Variants in DSC3 observed in about 807,000 individuals in gnomAD.
DSC3 encodes desmocollin-3.
Under a neutral mutation model 89.5 loss-of-function variants are expected in DSC3, and 97 were observed. That is an observed-to-expected ratio of 1.08 (90% CI 0.92 to 1.28). DSC3 has a LOEUF of 1.28. Among genes scored for constraint, DSC3 ranks in the 50% most tolerant of loss-of-function variants. The pLI, the probability that DSC3 is intolerant of heterozygous loss-of-function variation, is 0.00. For synonymous variants in DSC3, 436 were observed against 384.1 expected (o/e 1.14, Z -1.58); for missense variants, 1,199 against 1,085.3 (o/e 1.10, Z -1.47).
At chr18:31,007,519 C>T (rs568553185) in intron 11 of DSC3, among the ~76,000 whole-genome samples, 147 of 152,114 alleles carry the variant, frequency 9.7e-4, no homozygotes, top group African/African-American at 3.5e-3. Flanking sequence ...TATAAGATTC[C>T]TAGGCTCCAC....
intron 9 of DSC3, among the ~76,000 whole-genome samples, chr18:31,013,610 A>C (rs1985141286): frequency 6.6e-6 from 1 of 152,176 alleles, no homozygotes; most frequent in South Asian, 2.1e-4. Context: ...AAAACATAGA[A>C]AGCTGGCTAA....
At chr18:31,015,182 A>T (rs1985194192) in intron 9 of DSC3, among the ~76,000 whole-genome samples, 1 of 152,166 alleles carries the variant, frequency 6.6e-6, no homozygotes, top group Admixed American at 6.5e-5. Context: ...AAATGTATAT[A>T]AATGTATTGG....
intron 13 of DSC3, among the ~76,000 whole-genome samples, chr18:31,003,884 A>C (rs1382265688): frequency 6.6e-6 from 1 of 152,200 alleles, no homozygotes; most frequent in Non-Finnish European, 1.5e-5. Flanking sequence ...CAAGAAATAA[A>C]GACTATTTGT....
rs1163161184 is a variant in DSC3, at chr18:31,036,948, AC to A, written c.70-4673del. Among the ~76,000 whole-genome samples the A allele has an allele frequency of 2.0e-5, 3 of 150,694 alleles. No individual in the cohort carries two copies. The East Asian group carries it at 5.9e-4, about 29-fold the overall frequency. On this transcript the variant is annotated intron_variant, in intron 1 of 15. Coordinates refer to ENST00000360428, the MANE Select transcript of DSC3 (RefSeq NM_001941.5). ...GCTGGGATTACAGGCGCCTGCCACC[AC>A]CCCCAGCTAATTTTTGTATTTTTAG...
chr18:31,018,255 T>C lies in DSC3; in HGVS notation c.1079A>G (p.Tyr360Cys), dbSNP rs763159462. The change falls in exon 9 of 16, where the codon TAT (tyrosine) becomes TGT (cysteine). Residue 360 changes from tyrosine to cysteine, a missense_variant and splice_region_variant. Tyr to Cys is a radical substitution (Grantham distance 194). Coordinates refer to ENST00000360428, the MANE Select transcript of DSC3 (RefSeq NM_001941.5). ...TGCATTTTCCTCTACAAATGCTTCA[T>C]ACTGAAACAGAAAGAAGTCATTGAA... ...DNAPTFRQNA[Y>C]EAFVEENAFN... 8.7e-6 allele frequency: 14 copies of C among 1,606,634 alleles called. No homozygotes were observed. The highest frequency in any genetic ancestry group is 1.3e-5 in the African/African-American group (1 of 74,814).
intron 9 of DSC3, among the ~76,000 whole-genome samples, chr18:31,017,386 G>C (rs1248386655): frequency 1.3e-5 from 2 of 152,030 alleles, no homozygotes; most frequent in African/African-American, 4.8e-5. Context: ...GTTTTGTTCT[G>C]GGCTAGAAGT....
chr18:30,994,363 G>A lies in DSC3; in HGVS notation c.2503C>T (p.Arg835Ter), dbSNP rs748211577. 64 of 1,613,428 alleles carry A rather than the reference G, an allele frequency of 4.0e-5. No homozygotes were observed. Among genetic ancestry groups the A allele is most frequent in the African/African-American group, 1.3e-4 (10 of 74,872 alleles). ...ATGCGGTCTTCATTCTGATTACATC[G>A]ATGCAATTTCTGTAAAATTTTTTAA... The part of the protein sequence containing the change: ...TQPRLGEKLH[R>*]CNQNEDRMPS... Residue 835 changes from arginine (R) to a stop codon, truncating the protein, a stop_gained, in exon 16 of 16, where the codon CGA (arginine) becomes TGA (stop). Coordinates refer to ENST00000360428, the MANE Select transcript of DSC3 (RefSeq NM_001941.5). LOFTEE classifies it high-confidence loss of function.
At chr18:31,025,701 A>T in intron 5 of DSC3, 59 bp downstream of exon 5, 1 of 1,530,030 alleles carries the variant, frequency 6.5e-7, no homozygotes, top group Non-Finnish European at 9.1e-7. Flanking sequence ...AGCTGGAGTA[A>T]GCATCAGAAG....
intron 4 of DSC3, among the ~76,000 whole-genome samples, chr18:31,028,195 G>A (rs749290361): frequency 1.3e-5 from 2 of 152,126 alleles, no homozygotes; most frequent in East Asian, 1.9e-4. Context: ...GGAGCTCTCC[G>A]AAGTTTAGAG....
intron 12 of DSC3, among the ~76,000 whole-genome samples, 187 bp downstream of exon 12, chr18:31,006,720 T>G (rs1984855861): frequency 2.6e-5 from 4 of 152,248 alleles, no homozygotes; most frequent in Admixed American, 2.6e-4. Flanking sequence ...TCATAAAAAT[T>G]ACATCTTCCT....
In DSC3 at chr18:30,991,115, T is replaced by A. The variant is rs1391080341; in HGVS notation, c.*3060A>T. 1.3e-5 allele frequency: 2 copies of A among 152,656 alleles called. No homozygotes were observed. The highest frequency in any genetic ancestry group is 2.9e-5 in the Non-Finnish European group (2 of 68,048). 9.5% of individuals were successfully genotyped at this position (152,656 alleles called of 1,614,324 possible). ...CTCCCCACATCTGTAAATATTACTTTACGCATCCAATTTTTGCTTATTTTA... is the reference window on the plus strand; with the variant it reads ...CTCCCCACATCTGTAAATATTACTTAACGCATCCAATTTTTGCTTATTTTA... On this transcript the variant is annotated 3_prime_UTR_variant, in exon 16 of 16. Coordinates refer to ENST00000360428, the MANE Select transcript of DSC3 (RefSeq NM_001941.5).
At chr18:31,007,533 C>T (rs533712672) in intron 11 of DSC3, among the ~76,000 whole-genome samples, 2 of 152,200 alleles carry the variant, frequency 1.3e-5, no homozygotes, top group South Asian at 2.1e-4. Flanking sequence ...GCTCCACAAC[C>T]GGATATTCTG....
At position 31,001,089 on chromosome 18, in the gene DSC3, G is replaced by GTGTGTATATATATATATATATATATA. The variant is rs141615987; in HGVS notation, c.2235+528_2235+529insTATATATATATATATATATATACACA. ...GTGTTTATATATACTTTGTGTGTGTGTATATATATATATATATATATATAC... is the reference window on the plus strand; with the variant it reads ...GTGTTTATATATACTTTGTGTGTGTGTGTGTATATATATATATATATATATATATATATATATATATATATATATAC... On this transcript the variant is annotated intron_variant, in intron 14 of 15. Coordinates refer to ENST00000360428, the MANE Select transcript of DSC3 (RefSeq NM_001941.5). 6.0e-4 allele frequency among the ~76,000 whole-genome samples: 75 copies of GTGTGTATATATATATATATATATATA among 126,008 alleles called. 1 individual carries two copies. The highest frequency in any genetic ancestry group is 9.5e-4 in the Non-Finnish European group (57 of 59,792). 82.7% of individuals were successfully genotyped at this position (126,008 alleles called of 152,430 possible). A position where few individuals can be genotyped will look rare whatever the true frequency, so the allele number is the denominator to read the frequency against.
chr18:31,020,359 G>A (rs1316096748), intron 7 of DSC3, among the ~76,000 whole-genome samples: 1 of 152,142 alleles, frequency 6.6e-6, no homozygotes, highest in African/African-American at 2.4e-5. Flanking sequence ...AAAGATCAGA[G>A]AAGCAGGAGG....
At position 31,008,456 on chromosome 18, in the gene DSC3, T is replaced by C. The variant is rs750563716; in HGVS notation, c.1333A>G (p.Arg445Gly). The C allele has an allele frequency of 4.3e-6, 7 of 1,612,798 alleles. No individual in the cohort carries two copies. Among genetic ancestry groups the C allele is most frequent in the South Asian group, 1.1e-5 (1 of 91,062 alleles). ...IGVNNEAPFA[R>G]DIPRVTALNR... is the part of the protein sequence containing the mutation. ...AAGGCTGTCACTCTGGGAATATCTC[T>C]AGCAAATGGCGCTTCATTGTTTACT... is the stretch of plus-strand genomic sequence containing the variant. The change falls in exon 10 of 16, where the codon AGA (arginine) becomes GGA (glycine). Residue 445 changes from arginine to glycine, a missense_variant. Physicochemically the swap from Arg to Gly is moderately radical, Grantham distance 125 (BLOSUM62 -2). Transcript: ENST00000360428.
intron 1 of DSC3, among the ~76,000 whole-genome samples, chr18:31,033,717 TAAAG>T (rs1027667002): frequency 7.0e-4 from 106 of 152,354 alleles, no homozygotes; most frequent in African/African-American, 2.3e-3. Flanking sequence ...AATACAGTGA[TAAAG>T]AAAAGTTCTT....
intron 9 of DSC3, among the ~76,000 whole-genome samples, chr18:31,017,225 A>C (rs1985264617): frequency 6.6e-6 from 1 of 152,204 alleles, no homozygotes; most frequent in African/African-American, 2.4e-5. Context: ...GCCAAGTCTT[A>C]GTATAGGAGC....
intron 9 of DSC3, among the ~76,000 whole-genome samples, chr18:31,014,937 C>A (rs1005092351): frequency 1.3e-5 from 2 of 152,034 alleles, no homozygotes; most frequent in Non-Finnish European, 2.9e-5. Context: ...TGGGGTTTGC[C>A]TTTTTAAAAA....
rs1355161814 is a variant in DSC3, at chr18:31,008,281, C to T, written c.1508G>A (p.Gly503Asp). Residue 503 changes from glycine (G) to aspartate (D), a missense_variant, in exon 10 of 16, where the codon GGC becomes GAC. Physicochemically the swap from Gly to Asp is moderately conservative, Grantham distance 94. Coordinates refer to ENST00000360428, the MANE Select transcript of DSC3 (RefSeq NM_001941.5). ...GATTTATTTTTACCTTAAACCATTG[C>T]CATTTCTATTTTCGGGGTCATATGC... ...YKAYDPENRN[G>D]NGLRYKKLHD... 13 of 1,613,826 alleles carry T rather than the reference C, an allele frequency of 8.1e-6. No individual in the cohort carries two copies. Among genetic ancestry groups the T allele is most frequent in the Non-Finnish European group, 1.0e-5 (12 of 1,179,950 alleles).
Sources: gnomAD v4.1 joint callset for allele counts (sites outside exome capture counted in the v4.1 genomes callset) on GRCh38, gnomAD v4.1.1 for gene constraint, MANE v1.5 for transcripts, NCBI Gene and HGNC (gene_info 2026-07-23, HGNC 2026-07-21) for gene names.